Variants in FBXL7 observed in about 807,000 individuals in gnomAD.
FBXL7 encodes F-box and leucine rich repeat protein 7, also known as F-box/LRR-repeat protein 7.
FBXL7 carries 12 observed loss-of-function variants against 38.3 expected under a neutral mutation model. The ratio of observed to expected loss-of-function variants is 0.31; its 90% confidence interval spans 0.20 to 0.51. The LOEUF is 0.51. FBXL7 is among the 20% of genes least tolerant of loss of function. FBXL7 has a pLI of 0.98. For missense variants in FBXL7, 567 were observed against 676.4 expected (o/e 0.84, Z 1.79); for synonymous variants, 297 against 300.9 (o/e 0.99, Z 0.13).
chr5:15,514,908 C>T lies in FBXL7; in HGVS notation c.37+14195C>T, dbSNP rs551845274. Among the ~76,000 whole-genome samples, 12 of 152,266 alleles carry T rather than the reference C, an allele frequency of 7.9e-5. No individual in the cohort carries two copies. The East Asian group carries it at 1.9e-3, about 25-fold the overall frequency. On this transcript the variant is annotated intron_variant, in intron 1 of 3. Transcript: ENST00000504595. ...CAATTCTGAAGGGTCATTTTGGGTC[C>T]AGAGCGCCCCATGGAGTTTGCAGAG...
chr5:15,641,389 C>A (rs896143210), intron 2 of FBXL7, among the ~76,000 whole-genome samples: 38 of 152,268 alleles, frequency 2.5e-4, no homozygotes, highest in African/African-American at 7.5e-4. Context: ...CTGGTATGAA[C>A]ACAGGAGGCA....
At chr5:15,809,562 TCA>T (rs1737803365) in intron 2 of FBXL7, among the ~76,000 whole-genome samples, 1 of 152,134 alleles carries the variant, frequency 6.6e-6, no homozygotes, top group African/African-American at 2.4e-5. Context: ...TTTAGTATTA[TCA>T]CCAGAGTCTC....
At chr5:15,528,180 C>G (rs920317745) in intron 1 of FBXL7, among the ~76,000 whole-genome samples, 1 of 152,096 alleles carries the variant, frequency 6.6e-6, no homozygotes, top group African/African-American at 2.4e-5. Context: ...GGAAGAGTAT[C>G]GGGGACCCTC....
chr5:15,606,508 G>T (rs1740025907), intron 1 of FBXL7, among the ~76,000 whole-genome samples: 1 of 152,200 alleles, frequency 6.6e-6, no homozygotes, highest in Non-Finnish European at 1.5e-5. Context: ...CTTGCTCAGT[G>T]GCCCTGAGGC....
intron 2 of FBXL7, among the ~76,000 whole-genome samples, chr5:15,814,268 T>C (rs1218542929): frequency 1.3e-5 from 2 of 152,156 alleles, no homozygotes; most frequent in Non-Finnish European, 2.9e-5. Flanking sequence ...TGAGTTCGTG[T>C]CCTTCGCAGG....
At chr5:15,671,438 T>A (rs1439954467) in intron 2 of FBXL7, among the ~76,000 whole-genome samples, 1 of 146,982 alleles carries the variant, frequency 6.8e-6, no homozygotes, top group Non-Finnish European at 1.5e-5. Flanking sequence ...CTAGGTGAGT[T>A]AAACAATTGG....
chr5:15,848,570 T>C (rs1738993203), intron 2 of FBXL7, among the ~76,000 whole-genome samples: 1 of 152,088 alleles, frequency 6.6e-6, no homozygotes, highest in Non-Finnish European at 1.5e-5. Context: ...TTAGTAGAGA[T>C]GGGGTTTCAC....
chr5:15,580,022 C>T (rs960794611), intron 1 of FBXL7, among the ~76,000 whole-genome samples: 4 of 151,970 alleles, frequency 2.6e-5, no homozygotes, highest in African/African-American at 4.8e-5. Context: ...ATGTTTGTGT[C>T]CCCCCAATTC....
intron 2 of FBXL7, among the ~76,000 whole-genome samples, chr5:15,809,096 A>C (rs1398559743): frequency 6.6e-6 from 1 of 152,194 alleles, no homozygotes; most frequent in African/African-American, 2.4e-5. Flanking sequence ...TCCACCAATC[A>C]TCATCATGGG....
At chr5:15,716,821 G>C (rs1744053673) in intron 2 of FBXL7, among the ~76,000 whole-genome samples, 1 of 152,112 alleles carries the variant, frequency 6.6e-6, no homozygotes, top group African/African-American at 2.4e-5. Flanking sequence ...TTGGGTATGT[G>C]ACATTAAGAA....
chr5:15,625,933 T>A (rs183372035), intron 2 of FBXL7, among the ~76,000 whole-genome samples: 1 of 152,210 alleles, frequency 6.6e-6, no homozygotes, highest in African/African-American at 2.4e-5. Context: ...AAGAAATCTC[T>A]TAAAAAATAG....
At chr5:15,772,605 A>G (rs979773050) in intron 2 of FBXL7, among the ~76,000 whole-genome samples, 1 of 152,172 alleles carries the variant, frequency 6.6e-6, no homozygotes, top group African/African-American at 2.4e-5. Context: ...CTCTAAGTCT[A>G]TTAAAATGGA....
intron 2 of FBXL7, among the ~76,000 whole-genome samples, chr5:15,681,061 A>G (rs1179571819): frequency 6.6e-6 from 1 of 152,224 alleles, no homozygotes; most frequent in Non-Finnish European, 1.5e-5. Flanking sequence ...ATAACATTTA[A>G]GAACAGATAT....
At chr5:15,566,292 G>C (rs952594630) in intron 1 of FBXL7, among the ~76,000 whole-genome samples, 2 of 152,090 alleles carry the variant, frequency 1.3e-5, no homozygotes, top group Non-Finnish European at 2.9e-5. Context: ...CCTGTGCTCC[G>C]CTGCCTTTTT....
intron 2 of FBXL7, among the ~76,000 whole-genome samples, chr5:15,886,144 A>G (rs1740667227): frequency 6.6e-6 from 1 of 152,164 alleles, no homozygotes; most frequent in Admixed American, 6.5e-5. Flanking sequence ...TCTCTACCAA[A>G]TGTAGCCTGG....
At chr5:15,918,234 G>T (rs551263241) in intron 2 of FBXL7, among the ~76,000 whole-genome samples, 8 of 152,044 alleles carry the variant, frequency 5.3e-5, no homozygotes, top group African/African-American at 1.9e-4. Context: ...GTGAGATTCC[G>T]TCTCAAAAGA....
rs565912805 is a variant in FBXL7, at chr5:15,937,779, A to G, written c.*593A>G. On this transcript the variant is annotated 3_prime_UTR_variant, in exon 4 of 4. Transcript: ENST00000504595. ...TTACAGCAAACAGCTGGGGAAGGACATGCAGTCCTCCCCCAGCTCTGTCAA... is the reference window on the plus strand; with the variant it reads ...TTACAGCAAACAGCTGGGGAAGGACGTGCAGTCCTCCCCCAGCTCTGTCAA... 1 of 152,796 alleles carries G rather than the reference A, an allele frequency of 6.5e-6. No individual in the cohort carries two copies. The highest frequency in any genetic ancestry group is 2.4e-5 in the African/African-American group (1 of 41,432). 9.5% of individuals were successfully genotyped at this position (152,796 alleles called of 1,614,324 possible).
Position 15,838,422 on chromosome 5 carries a change from AC to A in FBXL7, c.128-89465del, listed in dbSNP as rs368520651. ...CACTAATCCCACTCATGAGTGCTCCACCCTCATGACCTAATCACCTCCCAGG... is the reference window on the plus strand; with the variant it reads ...CACTAATCCCACTCATGAGTGCTCCACCTCATGACCTAATCACCTCCCAGG... On this transcript the variant is annotated intron_variant, in intron 2 of 3. Coordinates refer to ENST00000504595, the MANE Select transcript of FBXL7 (RefSeq NM_012304.5). Among the ~76,000 whole-genome samples the A allele has an allele frequency of 5.1e-3, 779 of 152,046 alleles. 12 individuals are homozygous for A. The highest frequency in any genetic ancestry group is 0.018 in the African/African-American group (740 of 41,466).
intron 1 of FBXL7, among the ~76,000 whole-genome samples, chr5:15,578,819 G>A (rs557421541): frequency 6.6e-6 from 1 of 152,264 alleles, no homozygotes; most frequent in African/African-American, 2.4e-5. Context: ...AAAAAGTTTG[G>A]TGGCTAAATT....
Sources: gnomAD v4.1 joint callset for allele counts (sites outside exome capture counted in the v4.1 genomes callset) on GRCh38, gnomAD v4.1.1 for gene constraint, MANE v1.5 for transcripts, NCBI Gene and HGNC (gene_info 2026-07-23, HGNC 2026-07-21) for gene names.